Variants in IMPG1 observed in about 807,000 individuals in gnomAD.
IMPG1 encodes interphotoreceptor matrix proteoglycan 1.
Under a neutral mutation model 92.0 loss-of-function variants are expected in IMPG1, and 85 were observed. The ratio of observed to expected loss-of-function variants is 0.92; its 90% CI spans 0.78 to 1.11. The LOEUF (loss-of-function observed/expected upper bound fraction) is 1.11, where lower values mean the gene tolerates loss of function less well. Among genes scored for constraint, IMPG1 ranks in the 50% least tolerant of loss-of-function variants. The pLI is 0.00. For synonymous variants in IMPG1, 367 were observed against 334.1 expected, an observed-to-expected ratio of 1.10 and a Z score of -1.08; for missense variants, 1,022 against 956.0, an observed-to-expected ratio of 1.07 and a Z score of -0.91.
chr6:76,004,532 C>T lies in IMPG1; in HGVS notation c.1136-582G>A, dbSNP rs531033604. Among the ~76,000 whole-genome samples the T allele has an allele frequency of 2.6e-5, 4 of 152,292 alleles. No individual in the cohort carries two copies. The East Asian group carries it at 7.7e-4, about 29-fold the overall frequency. On this transcript the variant is annotated intron_variant, in intron 10 of 16. Transcript: ENST00000369950. ...TGCCTATCTTAGGCAGAAAACAGAA[C>T]TGGCAGAAAATGACAGTTTCATGCC...
intron 4 of IMPG1, among the ~76,000 whole-genome samples, chr6:76,025,874 G>T (rs755292070): frequency 4.6e-5 from 7 of 152,184 alleles, no homozygotes; most frequent in Non-Finnish European, 8.8e-5. Flanking sequence ...CCAAGGTCAT[G>T]GTGGTAGAGC....
chr6:76,024,592 A>T (rs1340878686), intron 5 of IMPG1, among the ~76,000 whole-genome samples: 5 of 152,146 alleles, frequency 3.3e-5, no homozygotes, highest in Non-Finnish European at 7.4e-5. Context: ...AATTGTAACA[A>T]AATTTCTGGA....
rs757086778 is a variant in IMPG1 at position 76,007,538 on chromosome 6, G to GA, written c.867-39dup. The GA allele has an allele frequency of 5.4e-6, 8 of 1,474,450 alleles. No homozygotes were observed. The African/African-American group carries it at 8.5e-5, about 16-fold the overall frequency. The allele number at this position is 1,474,450 out of a possible 1,614,324, so 91.3% of individuals were successfully genotyped here. A position where few individuals can be genotyped will look rare whatever the true frequency, so the allele number is the denominator to read the frequency against. ...ATGCACAATGGAAACATGAAAAAGAGAAAAAAATTTAATGACATTTATTGA... is the reference window on the plus strand; with the variant it reads ...ATGCACAATGGAAACATGAAAAAGAGAAAAAAAATTTAATGACATTTATTGA... On this transcript the variant is annotated intron_variant, in intron 8 of 16. Transcript: ENST00000369950.
At chr6:75,983,726 C>T (rs1466022003) in intron 12 of IMPG1, among the ~76,000 whole-genome samples, 1 of 152,016 alleles carries the variant, frequency 6.6e-6, no homozygotes, top group East Asian at 1.9e-4. Context: ...AATAGACAAA[C>T]AGGATTACAT....
intron 12 of IMPG1, among the ~76,000 whole-genome samples, chr6:75,995,792 C>T (rs1466364725): frequency 1.3e-5 from 2 of 152,182 alleles, no homozygotes; most frequent in African/African-American, 4.8e-5. Context: ...TATTGGTTTC[C>T]TTCTTTTCTG....
chr6:75,921,397 T>C lies in IMPG1; in HGVS notation c.*692A>G, dbSNP rs1211090922. 1 of 152,272 alleles carries C rather than the reference T, an allele frequency of 6.6e-6. No homozygotes were observed. The highest frequency in any genetic ancestry group is 1.5e-5 in the Non-Finnish European group (1 of 68,040). The allele number at this position is 152,272 out of a possible 1,614,324, so 9.4% of individuals were successfully genotyped here. A position where few individuals can be genotyped will look rare whatever the true frequency, so the allele number is the denominator to read the frequency against. On this transcript the variant is annotated 3_prime_UTR_variant, in exon 17 of 17. Coordinates refer to ENST00000369950, the MANE Select transcript of IMPG1 (RefSeq NM_001563.4). ...GCCCTTCTCCCAACATAGCATCTTC[T>C]TTAAAATAGCTTTGTGTAGTAACAA...
chr6:76,060,289 C>A (rs1418956657), intron 1 of IMPG1, among the ~76,000 whole-genome samples: 1 of 152,174 alleles, frequency 6.6e-6, no homozygotes, highest in Non-Finnish European at 1.5e-5. Context: ...TTCGAGGCAG[C>A]ATTGCTGTTC....
At chr6:76,063,441 G>T (rs1280509391) in intron 1 of IMPG1, among the ~76,000 whole-genome samples, 1 of 152,084 alleles carries the variant, frequency 6.6e-6, no homozygotes, top group African/African-American at 2.4e-5. Flanking sequence ...AGGATTAGCG[G>T]GAGTGTTTTT....
chr6:75,971,344 G>A (rs1007955306), intron 12 of IMPG1, among the ~76,000 whole-genome samples: 2 of 150,078 alleles, frequency 1.3e-5, no homozygotes, highest in African/African-American at 2.4e-5. Context: ...GGGAGGGATC[G>A]CACTGGGAGA....
At chr6:75,964,675 CAA>C (rs75154439) in intron 12 of IMPG1, among the ~76,000 whole-genome samples, 19,102 of 80,980 alleles carry the variant, frequency 0.24, 986 homozygotes, top group Admixed American at 0.33. Context: ...AGACTAGTCT[CAA>C]AAAAAAAAAA....
chr6:76,025,365 A>G (rs926399700), intron 4 of IMPG1, 107 bp from the exon 5 acceptor site: 2 of 525,956 alleles, frequency 3.8e-6, no homozygotes, highest in Admixed American at 3.3e-5. Context: ...AAGTTATAGG[A>G]AAAGCATACT....
chr6:75,924,504 A>T (rs183557315), intron 15 of IMPG1, among the ~76,000 whole-genome samples: 1 of 87,258 alleles, frequency 1.1e-5, no homozygotes, highest in South Asian at 2.9e-4. Flanking sequence ...ATAATTATAT[A>T]ATATAATTAA....
chr6:75,938,810 T>TTAAAACAAAA (rs1554227533), intron 14 of IMPG1, among the ~76,000 whole-genome samples: 92 of 147,100 alleles, frequency 6.3e-4, no homozygotes, highest in Admixed American at 1.4e-3. Flanking sequence ...AGGCTCCATC[T>TTAAAACAAAA]CAAAACAAAA....
Position 75,989,527 on chromosome 6 carries a change from A to T in IMPG1, c.1291+13391T>A, listed in dbSNP as rs183568647. The stretch of plus-strand genomic sequence containing the variant: ...AGATTGGTTTGAGGATCTAAAGAGT[A>T]TATTTTCTTAAACTCTAAGCATATG... On this transcript the variant is annotated intron_variant, in intron 12 of 16. Coordinates refer to ENST00000369950, the MANE Select transcript of IMPG1 (RefSeq NM_001563.4). Among the ~76,000 whole-genome samples the T allele has an allele frequency of 9.8e-5, 15 of 152,314 alleles. 1 individual carries two copies. Among genetic ancestry groups the T allele is most frequent in the African/African-American group, 3.4e-4 (14 of 41,566 alleles).
intron 6 of IMPG1, among the ~76,000 whole-genome samples, chr6:76,021,574 TC>T (rs1480690857): frequency 6.6e-6 from 1 of 152,006 alleles, no homozygotes; most frequent in Non-Finnish European, 1.5e-5. Flanking sequence ...TGGCCAGTGC[TC>T]CTCTTTGCCT....
At chr6:76,024,847 T>C (rs1204890180) in intron 5 of IMPG1, 1 of 382,056 alleles carries the variant, frequency 2.6e-6, no homozygotes, top group African/African-American at 2.1e-5. Context: ...AAAATATCCT[T>C]TACATCAGGT....
At chr6:76,015,696 A>T (rs1783273508) in intron 7 of IMPG1, among the ~76,000 whole-genome samples, 1 of 145,126 alleles carries the variant, frequency 6.9e-6, no homozygotes, top group Non-Finnish European at 1.5e-5. Context: ...ACTACTTGGG[A>T]GGCTGAGGCA....
At chr6:75,942,089 T>C (rs1198153762) in intron 14 of IMPG1, among the ~76,000 whole-genome samples, 1 of 152,210 alleles carries the variant, frequency 6.6e-6, no homozygotes, top group Admixed American at 6.5e-5. Context: ...AATCCAGTAA[T>C]GCAGTTTTGC....
intron 16 of IMPG1, 57 bp from the exon 17 acceptor site, chr6:75,922,223 G>T: frequency 1.4e-6 from 1 of 730,120 alleles, no homozygotes; most frequent in Non-Finnish European, 2.4e-6. Context: ...CAAACCAATG[G>T]TTCATTCCAA....
Sources: gnomAD v4.1 joint callset for allele counts (sites outside exome capture counted in the v4.1 genomes callset) on GRCh38, gnomAD v4.1.1 for gene constraint, MANE v1.5 for transcripts, NCBI Gene and HGNC (gene_info 2026-07-23, HGNC 2026-07-21) for gene names.